Variants in SLC8A1 observed in about 807,000 individuals in gnomAD.
SLC8A1 encodes sodium/calcium exchanger 1.
SLC8A1 carries 18 observed loss-of-function variants against 68.3 expected under a neutral mutation model. That is an observed-to-expected ratio of 0.26 (90% CI 0.18 to 0.39). SLC8A1 has a LOEUF of 0.39. SLC8A1 is among the 10% of genes least tolerant of loss of function. The probability of loss-of-function intolerance (pLI) is 1.00; values close to 1 mark genes in which losing one functional copy is unlikely to be tolerated. For missense variants in SLC8A1, 985 were observed against 1,156.7 expected (o/e 0.85, Z 2.15); for synonymous variants, 475 against 415.5 (o/e 1.14, Z -1.74).
At chr2:40,349,843 C>G (rs1363790090) in intron 2 of SLC8A1, among the ~76,000 whole-genome samples, 1 of 151,830 alleles carries the variant, frequency 6.6e-6, no homozygotes, top group African/African-American at 2.4e-5. Context: ...ATCAAAAAAG[C>G]TTGAAGAAAG....
In SLC8A1 at chr2:40,194,204, A is replaced by G. The variant is rs184402955; in HGVS notation, c.1809-16349T>C. ...TTTATCAACCGTGAGTAGGTTTGGC[A>G]AGCCTTATGACAAAATGATATCTGG... On this transcript the variant is annotated intron_variant, in intron 2 of 7. Transcript: ENST00000406785. Among the ~76,000 whole-genome samples, 11 of 152,230 alleles carry G rather than the reference A, an allele frequency of 7.2e-5. No homozygotes were observed. The East Asian group carries it at 1.5e-3, about 21-fold the overall frequency.
chr2:40,178,150 A>G (rs1314951942), intron 2 of SLC8A1, among the ~76,000 whole-genome samples: 1 of 152,202 alleles, frequency 6.6e-6, no homozygotes, highest in Non-Finnish European at 1.5e-5. Context: ...TTTCCCAGAA[A>G]TGGATGCTTG....
At chr2:40,336,376 AG>A (rs1665980212) in intron 2 of SLC8A1, among the ~76,000 whole-genome samples, 1 of 152,194 alleles carries the variant, frequency 6.6e-6, no homozygotes, top group South Asian at 2.1e-4. Context: ...AAGGCCTTGC[AG>A]GGGCCTCTCT....
In SLC8A1 at chr2:40,382,346, G is replaced by A. The variant is rs998539653; in HGVS notation, c.1808+46127C>T. Among the ~76,000 whole-genome samples the A allele has an allele frequency of 4.6e-5, 7 of 151,824 alleles. No individual in the cohort carries two copies. In the South Asian group the frequency reaches 8.3e-4, roughly 18 times the overall value. On this transcript the variant is annotated intron_variant, in intron 2 of 7. Transcript: ENST00000406785. ...CAGTGAGTACATACACCTAGTAGGC[G>A]GTCTTCAGGTACATCCAGATGGTAG...
intron 2 of SLC8A1, among the ~76,000 whole-genome samples, chr2:40,393,269 T>C (rs1685892011): frequency 6.6e-6 from 1 of 152,034 alleles, no homozygotes; most frequent in Admixed American, 6.6e-5. Flanking sequence ...CTGTATTACT[T>C]AGGAAAAAAA....
chr2:40,111,527 T>C (rs2034550797), exon 8 of SLC8A1: 1 of 152,186 alleles, frequency 6.6e-6, no homozygotes, highest in Non-Finnish European at 1.5e-5. Context: ...AGCATTTACT[T>C]GTACATGTGG....
intron 2 of SLC8A1, among the ~76,000 whole-genome samples, chr2:40,269,638 C>A (rs2065777327): frequency 1.3e-5 from 2 of 152,000 alleles, no homozygotes; most frequent in African/African-American, 2.4e-5. Context: ...TGGATTTGAA[C>A]CTTGGTCACG....
intron 2 of SLC8A1, among the ~76,000 whole-genome samples, chr2:40,277,794 GTATATATA>G (rs56145701): frequency 0.083 from 8,963 of 107,940 alleles, 764 homozygotes; most frequent in African/African-American, 0.23. Context: ...ATATATGTGT[GTATATATA>G]TATATATATA....
chr2:40,409,744 T>C (rs557046958), intron 2 of SLC8A1, among the ~76,000 whole-genome samples: 1 of 152,286 alleles, frequency 6.6e-6, no homozygotes, highest in East Asian at 1.9e-4. Context: ...GTGGGATTTA[T>C]GCATTCCAGT....
chr2:40,293,844 C>G (rs1410089937), intron 2 of SLC8A1, among the ~76,000 whole-genome samples: 1 of 151,438 alleles, frequency 6.6e-6, no homozygotes, highest in African/African-American at 2.4e-5. Context: ...TCATAAAAAA[C>G]AAAAAAAATC....
At chr2:40,260,327 G>A (rs1055893962) in intron 2 of SLC8A1, among the ~76,000 whole-genome samples, 9 of 152,166 alleles carry the variant, frequency 5.9e-5, no homozygotes, top group Non-Finnish European at 1.2e-4. Context: ...CAGCTACAGA[G>A]GTCCTTAGCC....
chr2:40,463,822 A>G (rs1464572199), intron 1 of SLC8A1, among the ~76,000 whole-genome samples: 2 of 142,684 alleles, frequency 1.4e-5, no homozygotes, highest in Non-Finnish European at 3.0e-5. Flanking sequence ...GAGGATATAT[A>G]CATACACACA....
chr2:40,232,611 TTTA>T lies in SLC8A1; in HGVS notation c.1809-54759_1809-54757del. Among the ~76,000 whole-genome samples the T allele has an allele frequency of 2.0e-5, 3 of 150,536 alleles. No individual in the cohort carries two copies. The Middle Eastern group carries it at 0.01, about 516-fold the overall frequency. On this transcript the variant is annotated intron_variant, in intron 2 of 7. Coordinates refer to ENST00000406785, the Ensembl canonical transcript of SLC8A1. The stretch of plus-strand genomic sequence containing the variant: ...ACTTTGTATTCTGTTTTTTTTTTTT[TTTA>T]TATACTTTAAGTTTTAGGGTACATG...
intron 2 of SLC8A1, among the ~76,000 whole-genome samples, chr2:40,302,848 C>T (rs901573745): frequency 1.3e-5 from 2 of 152,032 alleles, no homozygotes; most frequent in Non-Finnish European, 2.9e-5. Context: ...CTCATACATT[C>T]CCCCCAGCAG....
chr2:40,105,587 T>C (rs1245322772), exon 8 of SLC8A1: 2 of 152,158 alleles, frequency 1.3e-5, no homozygotes, highest in East Asian at 1.9e-4. Context: ...CATCACTAGG[T>C]CCAATCCACC....
At chr2:40,379,315 C>T (rs935093349) in intron 2 of SLC8A1, among the ~76,000 whole-genome samples, 2 of 152,090 alleles carry the variant, frequency 1.3e-5, no homozygotes, top group Non-Finnish European at 2.9e-5. Flanking sequence ...TTCTATACCT[C>T]GCTAGTTTCT....
At chr2:40,397,755 A>G (rs764991423) in intron 2 of SLC8A1, among the ~76,000 whole-genome samples, 1 of 152,182 alleles carries the variant, frequency 6.6e-6, no homozygotes, top group Non-Finnish European at 1.5e-5. Context: ...ATCAATAGAA[A>G]CAGAGATCCA....
chr2:40,232,394 A>T lies in SLC8A1; in HGVS notation c.1809-54539T>A, dbSNP rs114607784. Reference sequence around the variant, plus strand: ...GGGGCATGTGAATATGGTGCAAGTTATTTTTTTTTTGTCTTCAGTTTTTTT... The same window carrying T: ...GGGGCATGTGAATATGGTGCAAGTTTTTTTTTTTTTGTCTTCAGTTTTTTT... On this transcript the variant is annotated intron_variant, in intron 2 of 7. Transcript: ENST00000406785. 9.3e-3 allele frequency among the ~76,000 whole-genome samples: 1,369 copies of T among 146,622 alleles called. 17 individuals carry two copies. Among genetic ancestry groups the T allele is most frequent in the African/African-American group, 0.032 (1,276 of 39,960 alleles).
intron 7 of SLC8A1, among the ~76,000 whole-genome samples, chr2:40,121,274 A>C (rs539844389): frequency 6.6e-6 from 1 of 152,252 alleles, no homozygotes; most frequent in South Asian, 2.1e-4. Flanking sequence ...AGGCTTGAGA[A>C]CCACAGTTGT....
Sources: gnomAD v4.1 joint callset for allele counts (sites outside exome capture counted in the v4.1 genomes callset) on GRCh38, gnomAD v4.1.1 for gene constraint, MANE v1.5 for transcripts, NCBI Gene and HGNC (gene_info 2026-07-23, HGNC 2026-07-21) for gene names.